The following MAP3K4 variants were observed in gnomAD, a reference collection of about 807,000 sequenced individuals.
The protein encoded by MAP3K4 is MAP three kinase 1.
In MAP3K4, 67 loss-of-function variants were observed where a neutral mutation model predicts 185.6. The observed-to-expected ratio is 0.36, with a 90% CI of 0.30 to 0.44. MAP3K4 has a LOEUF of 0.44. MAP3K4 is among the 20% of genes least tolerant of loss of function. MAP3K4 has a pLI of 1.00. For missense variants in MAP3K4, 1,551 were observed against 1,995.1 expected (o/e 0.78, Z 4.24); for synonymous variants, 702 against 710.4 (o/e 0.99, Z 0.19).
chr6:161,055,497 CACTT>C (rs538201180), intron 3 of MAP3K4, among the ~76,000 whole-genome samples: 369 of 152,310 alleles, frequency 2.4e-3, no homozygotes, highest in Non-Finnish European at 3.6e-3. Context: ...ATTGACTTCT[CACTT>C]ACCCAATACA....
intron 15 of MAP3K4, among the ~76,000 whole-genome samples, chr6:161,094,660 A>G (rs368303063): frequency 6.6e-6 from 1 of 152,260 alleles, no homozygotes; most frequent in African/African-American, 2.4e-5. Context: ...CATATAGGGT[A>G]CTTGCTGGCT....
At chr6:161,078,044 T>G (rs754204247) in intron 5 of MAP3K4, among the ~76,000 whole-genome samples, 19 of 152,142 alleles carry the variant, frequency 1.2e-4, no homozygotes, top group Non-Finnish European at 2.5e-4. Context: ...GTTTGCATGT[T>G]TGGGACCAGG....
In MAP3K4 at chr6:161,109,057, T is replaced by C; in HGVS notation, c.4236+198T>C. The C allele has an allele frequency of 6.7e-7, 1 of 1,482,630 alleles. No individual in the cohort carries two copies. Among genetic ancestry groups the C allele is most frequent in the Admixed American group, 2.0e-5 (1 of 50,992 alleles). The allele number at this position is 1,482,630 out of a possible 1,614,324, so 91.8% of individuals were successfully genotyped here. A position where few individuals can be genotyped will look rare whatever the true frequency, so the allele number is the denominator to read the frequency against. On this transcript the variant is annotated intron_variant, in intron 22 of 26. Coordinates refer to ENST00000392142, the MANE Select transcript of MAP3K4 (RefSeq NM_005922.4). The surrounding 1 kb of genome is among the most constrained non-coding windows in gnomAD (Gnocchi z 5.7). ...CTCCTAAAATGTAAGTTGTAGACTG[T>C]AGTCATTAACCCGACATCATAAAGC... is the stretch of plus-strand genomic sequence containing the variant.
chr6:161,046,440 A>G (rs1783732577), intron 2 of MAP3K4, among the ~76,000 whole-genome samples: 2 of 152,198 alleles, frequency 1.3e-5, no homozygotes, highest in Admixed American at 6.5e-5. Flanking sequence ...ATTTTCTTAA[A>G]TGGACTATAT....
chr6:161,107,792 A>G lies in MAP3K4; in HGVS notation c.4049-107A>G, dbSNP rs1488160272. ...AACTGCAGTAAACATAATTATAGAT[A>G]TATAAATATACGTCCAAAATAATTG... On this transcript the variant is annotated intron_variant, in intron 20 of 26. Transcript: ENST00000392142. The surrounding 1 kb of genome is among the most constrained non-coding windows in gnomAD (Gnocchi z 6.2). 1 of 758,036 alleles carries G rather than the reference A, an allele frequency of 1.3e-6. No homozygotes were observed. Among genetic ancestry groups the G allele is most frequent in the South Asian group, 1.8e-5 (1 of 55,650 alleles). 47.0% of individuals were successfully genotyped at this position (758,036 alleles called of 1,614,324 possible).
intron 3 of MAP3K4, among the ~76,000 whole-genome samples, chr6:161,059,452 C>T (rs1004243293): frequency 2.6e-5 from 4 of 152,148 alleles, no homozygotes; most frequent in Admixed American, 2.0e-4. Context: ...TCTTTCTCTT[C>T]ATTTCTAGTG....
At chr6:161,025,744 A>G (rs1002587591) in intron 1 of MAP3K4, among the ~76,000 whole-genome samples, 1 of 152,226 alleles carries the variant, frequency 6.6e-6, no homozygotes, top group Non-Finnish European at 1.5e-5. Flanking sequence ...GAGTGGGTAG[A>G]AGATCGTAAT....
At chr6:161,019,132 G>C (rs1010880071) in intron 1 of MAP3K4, among the ~76,000 whole-genome samples, 3 of 152,158 alleles carry the variant, frequency 2.0e-5, no homozygotes, top group Admixed American at 2.0e-4. Flanking sequence ...TTAAGAAGTA[G>C]TGGTTGTAAA....
At chr6:161,069,952 G>C (rs1784865321) in intron 3 of MAP3K4, among the ~76,000 whole-genome samples, 1 of 151,524 alleles carries the variant, frequency 6.6e-6, no homozygotes, top group Non-Finnish European at 1.5e-5. Flanking sequence ...AAGGTGTAAG[G>C]AATTTGAGAG....
At chr6:161,111,459 C>T (rs141768120) in intron 23 of MAP3K4, among the ~76,000 whole-genome samples, 2 of 152,336 alleles carry the variant, frequency 1.3e-5, no homozygotes, top group East Asian at 1.9e-4. Context: ...ATCTACATGT[C>T]GCTTCCTGTT....
intron 6 of MAP3K4, 25 bp downstream of exon 6, chr6:161,081,063 G>A (rs753868369): frequency 6.8e-6 from 11 of 1,609,692 alleles, no homozygotes; most frequent in Non-Finnish European, 9.3e-6. Flanking sequence ...GCTTCTGAAC[G>A]CGACGCTCCC....
Position 161,000,804 on chromosome 6 carries a change from CCCAT to C in MAP3K4, c.152+8722_152+8725del, listed in dbSNP as rs572039912. ...ACCCATATATACACACATGTGTACA[CCCAT>C]ATATACACACATGTGTATGCACACA... On this transcript the variant is annotated intron_variant, in intron 1 of 26. Transcript: ENST00000392142. 3.7e-3 allele frequency among the ~76,000 whole-genome samples: 541 copies of C among 145,242 alleles called. 8 individuals are homozygous for C. The highest frequency in any genetic ancestry group is 0.014 in the African/African-American group (506 of 37,480).
intron 17 of MAP3K4, among the ~76,000 whole-genome samples, chr6:161,099,790 C>T (rs1410747554): frequency 2.0e-5 from 3 of 152,094 alleles, no homozygotes; most frequent in South Asian, 4.2e-4. Context: ...TGTTTTAAGG[C>T]ATTTGTAAGT....
At position 161,080,158 on chromosome 6, in the gene MAP3K4, C is replaced by T. The variant is rs1785380251; in HGVS notation, c.2098-723C>T. Among the ~76,000 whole-genome samples, 1 of 152,146 alleles carries T rather than the reference C, an allele frequency of 6.6e-6. No homozygotes were observed. The highest frequency in any genetic ancestry group is 2.1e-4 in the South Asian group (1 of 4,824). ...GAGAGAGAATGTGTGACTCAAATAT[C>T]TCCTACCCCGTCAAGCTATTCTTTT... On this transcript the variant is annotated intron_variant, in intron 5 of 26. Transcript: ENST00000392142. The surrounding 1 kb of genome is among the most constrained non-coding windows in gnomAD (Gnocchi z 4.8).
Position 161,098,378 on chromosome 6 carries a change from G to A in MAP3K4, c.3625G>A (p.Gly1209Ser), listed in dbSNP as rs1777672497. 4 of 1,613,894 alleles carry A rather than the reference G, an allele frequency of 2.5e-6. No individual in the cohort carries two copies. Among genetic ancestry groups the A allele is most frequent in the East Asian group, 2.2e-5 (1 of 44,858 alleles). The stretch of plus-strand genomic sequence containing the variant: ...TGCTGCCAGTCGGCCCAGCCCCTCT[G>A]GTGGTGACTCTGTGCTGCCCAAATC... ...AVAASRPSPS[G>S]GDSVLPKSIS... is the part of the protein sequence containing the mutation. Residue 1209 changes from glycine (G) to serine (S), a missense_variant, in exon 17 of 27, where the codon GGT (glycine) becomes AGT (serine). Gly to Ser is a moderately conservative substitution (Grantham distance 56). Transcript: ENST00000392142. The surrounding 1 kb of genome is among the most constrained non-coding windows in gnomAD (Gnocchi z 4.4).
chr6:161,107,888 AT>A lies in MAP3K4; in HGVS notation c.4049-9del, dbSNP rs769962003. On this transcript the variant is annotated splice_polypyrimidine_tract_variant and intron_variant, in intron 20 of 26. Coordinates refer to ENST00000392142, the MANE Select transcript of MAP3K4 (RefSeq NM_005922.4). The surrounding 1 kb of genome is among the most constrained non-coding windows in gnomAD (Gnocchi z 6.2). ...GTGGCTGGAAGTGCAGCTTGTTTGCATTGTTCACAGGAGAAGGCCAGTATGG... is the reference window on the plus strand; with the variant it reads ...GTGGCTGGAAGTGCAGCTTGTTTGCATGTTCACAGGAGAAGGCCAGTATGG... 1.9e-6 allele frequency: 3 copies of A among 1,612,620 alleles called. No homozygotes were observed. The African/African-American group carries it at 4.0e-5, about 22-fold the overall frequency.
In MAP3K4 at chr6:161,017,233, G is replaced by A. The variant is rs984413216; in HGVS notation, c.153-17026G>A. Among the ~76,000 whole-genome samples the A allele has an allele frequency of 3.3e-5, 5 of 152,056 alleles. No homozygotes were observed. The highest frequency in any genetic ancestry group is 4.4e-5 in the Non-Finnish European group (3 of 68,008). ...TTTGTATAATTAAATGTAGGTTTTC[G>A]GAAATTGAGTGTTTCCTGTCTTAAT... On this transcript the variant is annotated intron_variant, in intron 1 of 26. Transcript: ENST00000392142. The surrounding 1 kb of genome is among the most constrained non-coding windows in gnomAD (Gnocchi z 5.1).
chr6:161,112,379 T>TA lies in MAP3K4; in HGVS notation c.4520-288dup, dbSNP rs1033860942. Among the ~76,000 whole-genome samples, 2 of 152,238 alleles carry TA rather than the reference T, an allele frequency of 1.3e-5. No homozygotes were observed. Among genetic ancestry groups the TA allele is most frequent in the African/African-American group, 4.8e-5 (2 of 41,468 alleles). Reference sequence around the variant, plus strand: ...ATGGTAATGATTCGTTTTGATCACTTAGTGCCATGAAATTTTGCCTCCTCC... The same window carrying TA: ...ATGGTAATGATTCGTTTTGATCACTTAAGTGCCATGAAATTTTGCCTCCTCC... On this transcript the variant is annotated intron_variant, in intron 24 of 26. Coordinates refer to ENST00000392142, the MANE Select transcript of MAP3K4 (RefSeq NM_005922.4). The surrounding 1 kb of genome is among the most constrained non-coding windows in gnomAD (Gnocchi z 5.1).
chr6:161,025,129 T>C (rs1488273839), intron 1 of MAP3K4, among the ~76,000 whole-genome samples: 3 of 152,212 alleles, frequency 2.0e-5, no homozygotes, highest in African/African-American at 7.2e-5. Context: ...TTCGGCCAAA[T>C]GGGAGTTCTT....
Sources: gnomAD v4.1 joint callset for allele counts (sites outside exome capture counted in the v4.1 genomes callset) on GRCh38, gnomAD v4.1.1 for gene constraint, Gnocchi (gnomAD v3.1) non-coding constraint, MANE v1.5 for transcripts, NCBI Gene and HGNC (gene_info 2026-07-23, HGNC 2026-07-21) for gene names.